GNAI1: variants seen among roughly 807,000 people sequenced by gnomAD.
GNAI1 encodes G protein subunit alpha i1.
A neutral mutation model predicts 38.9 loss-of-function variants in GNAI1; 11 were observed. That is an observed-to-expected ratio of 0.28 (90% confidence interval 0.18 to 0.47). GNAI1 has a LOEUF of 0.47. GNAI1 is among the 20% of genes least tolerant of loss of function. The pLI, the probability that GNAI1 is intolerant of heterozygous loss-of-function variation, is 0.99. For missense variants in GNAI1, 317 were observed against 436.9 expected (o/e 0.73, Z 2.45); for synonymous variants, 166 against 145.1 (o/e 1.14, Z -1.04).
intron 1 of GNAI1, among the ~76,000 whole-genome samples, chr7:80,154,051 T>A (rs551104230): frequency 6.6e-6 from 1 of 152,124 alleles, no homozygotes; most frequent in South Asian, 2.1e-4. Flanking sequence ...GCCCCCCAAG[T>A]AGCTGGGACT....
intron 1 of GNAI1, among the ~76,000 whole-genome samples, chr7:80,177,260 C>G (rs934033030): frequency 2.0e-5 from 3 of 151,776 alleles, no homozygotes; most frequent in Admixed American, 6.6e-5. Context: ...TTGATCTCCT[C>G]ACCTTGTGAT....
chr7:80,190,948 T>C (rs1326065912), intron 3 of GNAI1, among the ~76,000 whole-genome samples: 1 of 152,018 alleles, frequency 6.6e-6, no homozygotes, highest in Non-Finnish European at 1.5e-5. Flanking sequence ...ACTCTCAAGC[T>C]CTATTTTTTT....
intron 1 of GNAI1, among the ~76,000 whole-genome samples, chr7:80,141,150 T>C (rs549160231): frequency 2.6e-5 from 4 of 152,212 alleles, no homozygotes; most frequent in Non-Finnish European, 5.9e-5. Context: ...GTTTCAGGGA[T>C]TGGGACATAT....
chr7:80,204,699 A>G (rs974199414), intron 5 of GNAI1, among the ~76,000 whole-genome samples: 2 of 152,080 alleles, frequency 1.3e-5, no homozygotes, highest in African/African-American at 4.8e-5. Flanking sequence ...TGCTCCATCT[A>G]CTGATTTCAT....
chr7:80,194,472 C>T (rs903484692), intron 3 of GNAI1, among the ~76,000 whole-genome samples: 1 of 151,974 alleles, frequency 6.6e-6, no homozygotes, highest in Non-Finnish European at 1.5e-5. Context: ...TTAAAATTCC[C>T]GTTATTTCTT....
chr7:80,139,512 T>C (rs147445091), intron 1 of GNAI1, among the ~76,000 whole-genome samples: 21 of 152,332 alleles, frequency 1.4e-4, no homozygotes, highest in African/African-American at 5.1e-4. Flanking sequence ...CCCAGCCTAT[T>C]TTCCTACTGC....
At position 80,135,110 on chromosome 7, in the gene GNAI1, G is replaced by C. The variant is rs767726016; in HGVS notation, c.-51G>C. ...GAGAAAGGATTCCCCTGTGCTTGGA[G>C]CCCGCACTCGGGCGCGGAGGGAGCG... is the stretch of plus-strand genomic sequence containing the variant. On this transcript the variant is annotated 5_prime_UTR_variant, in exon 1 of 8. Coordinates refer to ENST00000649796, the MANE Select transcript of GNAI1 (RefSeq NM_002069.6). 7.9e-7 allele frequency: 1 copy of C among 1,268,900 alleles called. No individual in the cohort carries two copies. Among genetic ancestry groups the C allele is most frequent in the Non-Finnish European group, 1.1e-6 (1 of 937,762 alleles). The allele number at this position is 1,268,900 out of a possible 1,614,324, so 78.6% of individuals were successfully genotyped here.
chr7:80,175,183 A>G (rs766450191), intron 1 of GNAI1, among the ~76,000 whole-genome samples: 4 of 152,244 alleles, frequency 2.6e-5, no homozygotes, highest in African/African-American at 9.6e-5. Flanking sequence ...AATAGCTAAC[A>G]GTATTTGTTG....
chr7:80,209,139 C>T (rs1367924346), intron 5 of GNAI1, among the ~76,000 whole-genome samples: 1 of 152,150 alleles, frequency 6.6e-6, no homozygotes, highest in African/African-American at 2.4e-5. Flanking sequence ...CTTAAATATT[C>T]TTCTACCTCC....
intron 5 of GNAI1, among the ~76,000 whole-genome samples, chr7:80,209,078 T>A (rs1479932412): frequency 6.6e-6 from 1 of 152,212 alleles, no homozygotes; most frequent in Admixed American, 6.5e-5. Flanking sequence ...AATCTCCCTA[T>A]TTCTACCAGC....
intron 1 of GNAI1, among the ~76,000 whole-genome samples, chr7:80,147,341 GC>G (rs1787641597): frequency 6.6e-6 from 1 of 150,726 alleles, no homozygotes; most frequent in African/African-American, 2.4e-5. Context: ...GGTAATGAGG[GC>G]TGGTCCTTCA....
rs544752533 is a variant in GNAI1, at chr7:80,158,221, G to A, written c.118+22943G>A. ...TGTTGGCTACTCTGGATTTTTTCTC[G>A]TATAAAGTTTAGAATCATTTTCTTG... is the stretch of plus-strand genomic sequence containing the variant. On this transcript the variant is annotated intron_variant, in intron 1 of 7. Transcript: ENST00000649796. 3.3e-4 allele frequency among the ~76,000 whole-genome samples: 50 copies of A among 152,210 alleles called. 1 individual carries two copies. The Middle Eastern group carries it at 0.01, about 31-fold the overall frequency.
rs1261590757 is a variant in GNAI1 at position 80,220,156 on chromosome 7, C to T, written c.*2663C>T. Among the ~76,000 whole-genome samples, 1 of 152,140 alleles carries T rather than the reference C, an allele frequency of 6.6e-6. No individual in the cohort carries two copies. The highest frequency in any genetic ancestry group is 1.9e-4 in the East Asian group (1 of 5,190). Reference sequence around the variant, plus strand: ...TAGCCTGCCATTTAATGCTCTTCATCACCTGAGGCCTGTTCCTTTCTACAC... The same window carrying T: ...TAGCCTGCCATTTAATGCTCTTCATTACCTGAGGCCTGTTCCTTTCTACAC... On this transcript the variant is annotated 3_prime_UTR_variant, in exon 8 of 8. Coordinates refer to ENST00000649796, the MANE Select transcript of GNAI1 (RefSeq NM_002069.6).
intron 1 of GNAI1, among the ~76,000 whole-genome samples, chr7:80,146,673 T>G (rs1787629059): frequency 6.6e-6 from 1 of 152,162 alleles, no homozygotes; most frequent in African/African-American, 2.4e-5. Flanking sequence ...CCGGGGTGCT[T>G]GTATTGCTGA....
intron 1 of GNAI1, among the ~76,000 whole-genome samples, chr7:80,176,768 T>C (rs1278217359): frequency 6.6e-6 from 1 of 151,500 alleles, no homozygotes; most frequent in Non-Finnish European, 1.5e-5. Flanking sequence ...GAAACCCCCA[T>C]CTCTACTAAA....
At chr7:80,166,657 T>C (rs976644788) in intron 1 of GNAI1, among the ~76,000 whole-genome samples, 9 of 152,188 alleles carry the variant, frequency 5.9e-5, no homozygotes, top group African/African-American at 2.2e-4. Context: ...ATAATTTACT[T>C]TTAGTCCCTT....
chr7:80,200,502 TC>T (rs1342946351), intron 4 of GNAI1, among the ~76,000 whole-genome samples: 1 of 152,098 alleles, frequency 6.6e-6, no homozygotes, highest in Non-Finnish European at 1.5e-5. Flanking sequence ...CCAGGATTGT[TC>T]CATTTTCTTG....
intron 7 of GNAI1, 148 bp from the exon 8 acceptor site, chr7:80,217,155 C>A: frequency 7.1e-6 from 2 of 282,552 alleles, no homozygotes; most frequent in East Asian, 7.7e-5. Context: ...TAGTGTCTCC[C>A]ATTCTAGAAG....
chr7:80,176,230 C>T (rs1419954353), intron 1 of GNAI1, among the ~76,000 whole-genome samples: 9 of 152,204 alleles, frequency 5.9e-5, no homozygotes, highest in Admixed American at 5.2e-4. Context: ...TTCCCTTAAG[C>T]CAAAGCCTAA....
Sources: gnomAD v4.1 joint callset for allele counts (sites outside exome capture counted in the v4.1 genomes callset) on GRCh38, gnomAD v4.1.1 for gene constraint, MANE v1.5 for transcripts, NCBI Gene and HGNC (gene_info 2026-07-23, HGNC 2026-07-21) for gene names.